Variants in PTPRM observed in about 807,000 individuals in gnomAD.
PTPRM encodes the protein protein tyrosine phosphatase receptor type M.
Under a neutral mutation model 186.7 loss-of-function variants are expected in PTPRM, and 47 were observed. The ratio of observed to expected loss-of-function variants is 0.25; its 90% confidence interval spans 0.20 to 0.32. PTPRM has a LOEUF of 0.32. Ranked by LOEUF, PTPRM falls within the 10% of genes least tolerant of loss-of-function variation. PTPRM has a pLI of 1.00. For missense variants in PTPRM, 1,494 were observed against 1,865.0 expected, an observed-to-expected ratio of 0.80 and a Z score of 3.66; for synonymous variants, 668 against 674.9, an observed-to-expected ratio of 0.99 and a Z score of 0.16.
intron 1 of PTPRM, among the ~76,000 whole-genome samples, chr18:7,654,227 G>C (rs1443383035): frequency 2.6e-5 from 4 of 152,146 alleles, no homozygotes; most frequent in African/African-American, 9.7e-5. Flanking sequence ...ACTTTTGTCA[G>C]ATAATATAGC....
At chr18:7,977,837 A>G (rs28757770) in intron 7 of PTPRM, among the ~76,000 whole-genome samples, 5,132 of 152,252 alleles carry the variant, frequency 0.034, 282 homozygotes, top group African/African-American at 0.12. Context: ...GTCTTCTGCC[A>G]GCATCCATGA....
At chr18:8,214,277 CTT>C (rs34324052) in intron 14 of PTPRM, among the ~76,000 whole-genome samples, 40,683 of 151,814 alleles carry the variant, frequency 0.27, 5,448 homozygotes, top group Middle Eastern at 0.51. Flanking sequence ...GAAATTGAAA[CTT>C]AAATTTTAGA....
At chr18:7,876,060 A>C (rs2048224697) in intron 2 of PTPRM, among the ~76,000 whole-genome samples, 1 of 151,938 alleles carries the variant, frequency 6.6e-6, no homozygotes, top group Non-Finnish European at 1.5e-5. Flanking sequence ...ATCTTATGGG[A>C]CTGCAGTTGT....
chr18:7,588,503 G>A (rs1014811113), intron 1 of PTPRM, among the ~76,000 whole-genome samples: 1 of 152,068 alleles, frequency 6.6e-6, no homozygotes, highest in Admixed American at 6.5e-5. Context: ...TCTCATTTTT[G>A]TGAGTTTTTA....
chr18:8,393,786 T>C (rs925315112), intron 31 of PTPRM, among the ~76,000 whole-genome samples: 5 of 149,042 alleles, frequency 3.4e-5, no homozygotes, highest in Non-Finnish European at 5.9e-5. Flanking sequence ...GGATTTGTTG[T>C]TGTTGTTGTT....
chr18:7,777,736 T>A (rs2042659650), intron 2 of PTPRM, among the ~76,000 whole-genome samples: 2 of 152,190 alleles, frequency 1.3e-5, no homozygotes, highest in Admixed American at 6.5e-5. Context: ...AAAACATGAT[T>A]AGAGATTTCC....
chr18:8,083,344 C>G (rs1207954541), intron 9 of PTPRM, among the ~76,000 whole-genome samples: 1 of 152,122 alleles, frequency 6.6e-6, no homozygotes, highest in Admixed American at 6.6e-5. Flanking sequence ...GGAACCACAC[C>G]GACCTCCTTT....
chr18:7,992,624 A>G (rs1036305087), intron 7 of PTPRM, among the ~76,000 whole-genome samples: 1 of 152,158 alleles, frequency 6.6e-6, no homozygotes, highest in Non-Finnish European at 1.5e-5. Flanking sequence ...GAAAACTGGT[A>G]GTACGGTACA....
At chr18:7,711,267 G>A (rs542984550) in intron 1 of PTPRM, among the ~76,000 whole-genome samples, 25 of 152,264 alleles carry the variant, frequency 1.6e-4, no homozygotes, top group African/African-American at 6.0e-4. Context: ...GAAGCCATGA[G>A]GGACTGTGCC....
At chr18:8,079,726 T>G (rs572453672) in intron 9 of PTPRM, among the ~76,000 whole-genome samples, 2 of 152,066 alleles carry the variant, frequency 1.3e-5, no homozygotes, top group East Asian at 3.9e-4. Flanking sequence ...TGTTATATAT[T>G]TTTCTAAGCT....
intron 5 of PTPRM, among the ~76,000 whole-genome samples, chr18:7,928,154 CTTG>C (rs1303074824): frequency 6.6e-6 from 1 of 152,154 alleles, no homozygotes; most frequent in Non-Finnish European, 1.5e-5. Context: ...GGAGAGGCTT[CTTG>C]TTGTTTTCTC....
intron 1 of PTPRM, among the ~76,000 whole-genome samples, chr18:7,662,205 G>A (rs2038996255): frequency 6.6e-6 from 1 of 152,196 alleles, no homozygotes; most frequent in African/African-American, 2.4e-5. Context: ...CAAAATGCTA[G>A]GGTTACAGGC....
intron 1 of PTPRM, among the ~76,000 whole-genome samples, chr18:7,644,557 C>A (rs2038517209): frequency 6.6e-6 from 1 of 151,878 alleles, no homozygotes; most frequent in Admixed American, 6.6e-5. Flanking sequence ...ATTACTCTAT[C>A]AAGAAAATTG....
At chr18:8,157,818 G>A (rs1417980546) in intron 14 of PTPRM, among the ~76,000 whole-genome samples, 1 of 152,194 alleles carries the variant, frequency 6.6e-6, no homozygotes, top group Non-Finnish European at 1.5e-5. Flanking sequence ...CAAATACTTT[G>A]GGTATTAAAA....
At chr18:8,289,603 C>CACACATATATATAT (rs1414475068) in intron 19 of PTPRM, among the ~76,000 whole-genome samples, 1 of 104,676 alleles carries the variant, frequency 9.6e-6, no homozygotes, top group African/African-American at 4.2e-5. Flanking sequence ...TATATATATA[C>CACACATATATATAT]ACACATATAT....
At chr18:7,948,156 C>T (rs1377934668) in intron 5 of PTPRM, among the ~76,000 whole-genome samples, 1 of 147,546 alleles carries the variant, frequency 6.8e-6, no homozygotes, top group Non-Finnish European at 1.5e-5. Flanking sequence ...CACACACACA[C>T]ACACACACAC....
chr18:8,031,450 G>A (rs376636710), intron 7 of PTPRM, among the ~76,000 whole-genome samples: 18 of 152,134 alleles, frequency 1.2e-4, no homozygotes, highest in East Asian at 7.7e-4. Context: ...CAATAATTCC[G>A]TCAGATGCAG....
chr18:7,980,555 TA>T (rs2082493440), intron 7 of PTPRM, among the ~76,000 whole-genome samples: 1 of 151,994 alleles, frequency 6.6e-6, no homozygotes, highest in Non-Finnish European at 1.5e-5. Flanking sequence ...GGCTAATTTT[TA>T]AAATTTTTGT....
chr18:8,142,233 T>A (rs1431686721), intron 13 of PTPRM, among the ~76,000 whole-genome samples: 1 of 152,154 alleles, frequency 6.6e-6, no homozygotes, highest in African/African-American at 2.4e-5. Flanking sequence ...TAAGGTGTGT[T>A]TTTTGCATCA....
Sources: gnomAD v4.1 joint callset for allele counts (sites outside exome capture counted in the v4.1 genomes callset) on GRCh38, gnomAD v4.1.1 for gene constraint, MANE v1.5 for transcripts, NCBI Gene and HGNC (gene_info 2026-07-23, HGNC 2026-07-21) for gene names.